The following STIM1 variants were observed in gnomAD, a reference collection of about 807,000 sequenced individuals.
STIM1 encodes the protein stromal interaction molecule 1.
Under a neutral mutation model 74.7 loss-of-function variants are expected in STIM1, and 25 were observed. That is an observed-to-expected ratio of 0.33 (90% CI 0.24 to 0.47). The LOEUF is 0.47. Ranked by LOEUF, STIM1 falls within the 20% of genes least tolerant of loss-of-function variation. STIM1 has a pLI of 1.00. For missense variants in STIM1, 728 were observed against 920.8 expected (o/e 0.79, Z 2.71); for synonymous variants, 328 against 348.8 (o/e 0.94, Z 0.66).
intron 2 of STIM1, among the ~76,000 whole-genome samples, chr11:4,013,270 A>G (rs982638463): frequency 6.6e-5 from 10 of 152,020 alleles, no homozygotes; most frequent in South Asian, 2.1e-4. Context: ...CTCTTTTTCT[A>G]TTGATTGGAA....
chr11:4,018,877 C>T (rs949577581), intron 2 of STIM1: 2 of 152,288 alleles, frequency 1.3e-5, no homozygotes, highest in African/African-American at 2.4e-5. Flanking sequence ...GCCTTTCTCC[C>T]ACACCTCTTT....
At chr11:4,043,903 T>C (rs2094169254) in intron 3 of STIM1, among the ~76,000 whole-genome samples, 1 of 152,036 alleles carries the variant, frequency 6.6e-6, no homozygotes, top group Admixed American at 6.6e-5. Flanking sequence ...TAATCCCAGC[T>C]ACTCGGGAGG....
At chr11:4,018,769 G>A (rs929624422) in intron 2 of STIM1, among the ~76,000 whole-genome samples, 2 of 151,858 alleles carry the variant, frequency 1.3e-5, no homozygotes, top group African/African-American at 4.8e-5. Flanking sequence ...TGGCCTTCTT[G>A]TTATTCCTTG....
rs1043120387 is a variant in STIM1, at chr11:3,961,857, AG to A, written c.140-5693del. On this transcript the variant is annotated intron_variant, in intron 1 of 12. Transcript: ENST00000526596. ...GAGCTGATAGAAAAAGGTTGAATTT[AG>A]GATAAAGCATAGGAGAAAATTGTCC... Among the ~76,000 whole-genome samples, 110 of 152,318 alleles carry A rather than the reference AG, an allele frequency of 7.2e-4. 2 individuals are homozygous for A. Among genetic ancestry groups the A allele is most frequent in the African/African-American group, 2.5e-3 (103 of 41,570 alleles).
intron 2 of STIM1, among the ~76,000 whole-genome samples, chr11:4,003,573 T>C (rs1260868295): frequency 6.6e-6 from 1 of 152,144 alleles, no homozygotes; most frequent in South Asian, 2.1e-4. Flanking sequence ...AAATTAGGTA[T>C]TGATGGGACG....
At chr11:4,061,802 A>C (rs1484226120) in intron 5 of STIM1, among the ~76,000 whole-genome samples, 1 of 152,250 alleles carries the variant, frequency 6.6e-6, no homozygotes, top group African/African-American at 2.4e-5. Flanking sequence ...TTATTCACCT[A>C]TAAATGGAAT....
chr11:3,978,106 CT>C (rs2093466218), intron 2 of STIM1, among the ~76,000 whole-genome samples: 1 of 151,124 alleles, frequency 6.6e-6, no homozygotes, highest in African/African-American at 2.4e-5. Flanking sequence ...GGGACTACAA[CT>C]TTTCTGGCAG....
chr11:4,045,762 CTTTT>C (rs35939527), intron 3 of STIM1, among the ~76,000 whole-genome samples: 1 of 104,488 alleles, frequency 9.6e-6, no homozygotes, highest in Admixed American at 1.2e-4. Flanking sequence ...CTCAACACTT[CTTTT>C]TTTTTTTTTT....
In STIM1 at chr11:3,872,438, G is replaced by C. The variant is rs542740773; in HGVS notation, c.139+16029G>C. The stretch of plus-strand genomic sequence containing the variant: ...GGAAGGGAGTGGGTCTGAGCTCTTG[G>C]GGAAATGTAAAAGTTCATTGGCTTT... On this transcript the variant is annotated intron_variant, in intron 1 of 12. Coordinates refer to ENST00000526596, the MANE Select transcript of STIM1 (RefSeq NM_001382567.1). 4.6e-5 allele frequency among the ~76,000 whole-genome samples: 7 copies of C among 152,240 alleles called. No homozygotes were observed. The South Asian group carries it at 1.5e-3, about 32-fold the overall frequency.
At chr11:3,985,719 A>T (rs144543685) in intron 2 of STIM1, among the ~76,000 whole-genome samples, 1 of 152,238 alleles carries the variant, frequency 6.6e-6, no homozygotes, top group African/African-American at 2.4e-5. Context: ...GAAATTAAAA[A>T]CTTCTGACTC....
At chr11:4,022,852 A>C (rs917280549) in intron 2 of STIM1, among the ~76,000 whole-genome samples, 2 of 152,358 alleles carry the variant, frequency 1.3e-5, no homozygotes, top group African/African-American at 2.4e-5. Flanking sequence ...CTCAGGGCCC[A>C]AAAGAGAGAG....
intron 5 of STIM1, 76 bp downstream of exon 5, chr11:4,059,472 G>C: frequency 7.9e-7 from 1 of 1,266,730 alleles, no homozygotes; most frequent in Non-Finnish European, 1.1e-6. Flanking sequence ...CTAAGGCTAA[G>C]GCTCTGGGTC....
chr11:4,091,801 A>AGGAT lies in STIM1; in HGVS notation c.*6_*9dup. On this transcript the variant is annotated 3_prime_UTR_variant, in exon 13 of 13. Transcript: ENST00000526596. ...TTAAGAAGCCTCTTAAGAAGTAGGC[A>AGGAT]GGATGGGGTGGCAGTAAAGGGACAG... The AGGAT allele has an allele frequency of 4.4e-6, 7 of 1,602,150 alleles. No homozygotes were observed. The highest frequency in any genetic ancestry group is 5.9e-6 in the Non-Finnish European group (7 of 1,179,956).
intron 2 of STIM1, among the ~76,000 whole-genome samples, chr11:3,992,297 C>G (rs925592993): frequency 3.3e-5 from 5 of 151,076 alleles, no homozygotes; most frequent in African/African-American, 1.2e-4. Context: ...GCCTATAATT[C>G]CAGCTACTCA....
intron 1 of STIM1, among the ~76,000 whole-genome samples, chr11:3,941,964 C>G (rs1306055858): frequency 6.6e-6 from 1 of 152,064 alleles, no homozygotes; most frequent in Non-Finnish European, 1.5e-5. Flanking sequence ...GGATTATAGT[C>G]AGGAGCCACC....
intron 2 of STIM1, among the ~76,000 whole-genome samples, chr11:3,984,329 C>T (rs1430444061): frequency 3.9e-5 from 6 of 152,174 alleles, no homozygotes. Flanking sequence ...GTGCAGTCAT[C>T]ATCTTGTCTC....
intron 3 of STIM1, among the ~76,000 whole-genome samples, chr11:4,024,742 C>G (rs961029487): frequency 6.6e-6 from 1 of 152,156 alleles, no homozygotes; most frequent in Non-Finnish European, 1.5e-5. Context: ...CCATGTTGAG[C>G]TTAATGAAAA....
intron 2 of STIM1, among the ~76,000 whole-genome samples, chr11:3,977,193 A>G (rs768411787): frequency 2.0e-5 from 3 of 152,048 alleles, no homozygotes; most frequent in Admixed American, 6.5e-5. Context: ...CCAGTGCCCA[A>G]CAAAGTCTGT....
rs1189847344 is a variant in STIM1 at position 4,018,176 on chromosome 11, G to A, written c.271-5697G>A. 4.6e-5 allele frequency among the ~76,000 whole-genome samples: 7 copies of A among 151,706 alleles called. No homozygotes were observed. In the East Asian group the frequency reaches 7.8e-4, roughly 17 times the overall value. Reference sequence around the variant, plus strand: ...TTAAAAAATACAAAATTGGCTGGGCGCGGTGGCTCACGCCTGTAATCCCAG... The same window carrying A: ...TTAAAAAATACAAAATTGGCTGGGCACGGTGGCTCACGCCTGTAATCCCAG... On this transcript the variant is annotated intron_variant, in intron 2 of 12. Transcript: ENST00000526596.
Sources: allele counts gnomAD v4.1 joint callset (sites outside exome capture counted in the v4.1 genomes callset), GRCh38; gene constraint gnomAD v4.1.1; transcripts MANE v1.5; gene names NCBI Gene and HGNC (gene_info 2026-07-23, HGNC 2026-07-21).